TENM3: variants seen among roughly 807,000 people sequenced by gnomAD.
TENM3 encodes teneurin transmembrane protein 3, also known as teneurin-3.
TENM3 carries 63 observed loss-of-function variants against 255.1 expected under a neutral mutation model. The observed-to-expected ratio is 0.25, with a 90% CI of 0.20 to 0.30. The LOEUF (loss-of-function observed/expected upper bound fraction) is 0.30, where lower values mean the gene tolerates loss of function less well. Ranked by LOEUF, TENM3 falls within the 10% of genes least tolerant of loss-of-function variation. The probability of loss-of-function intolerance (pLI) is 1.00; values close to 1 mark genes in which losing one functional copy is unlikely to be tolerated. For missense variants in TENM3, 2,929 were observed against 3,461.1 expected, an observed-to-expected ratio of 0.85 and a Z score of 3.86; for synonymous variants, 1,306 against 1,322.3, an observed-to-expected ratio of 0.99 and a Z score of 0.27.
At chr4:181,888,497 T>G in the TENM3 span, among the ~76,000 whole-genome samples, 1 of 17,904 alleles carries the variant, frequency 5.6e-5, no homozygotes, top group Non-Finnish European at 1.1e-4. Context: ...GAAATGTGTA[T>G]ATATATATAT....
chr4:182,504,101 T>C (rs571743625), intron 3 of TENM3, among the ~76,000 whole-genome samples: 40 of 152,162 alleles, frequency 2.6e-4, no homozygotes, highest in Non-Finnish European at 3.7e-4. Context: ...TGTTTATTAC[T>C]GTGTACTCAG....
Position 182,789,347 on chromosome 4 carries a change from C to T in TENM3, c.5559C>T (p.Val1853=). 1 of 1,613,718 alleles carries T rather than the reference C, an allele frequency of 6.2e-7. No individual in the cohort carries two copies. Among genetic ancestry groups the T allele is most frequent in the Non-Finnish European group, 8.5e-7 (1 of 1,179,812 alleles). ...GACAGGGGAGGATCGTGTCTCGGGTCTTTGCTGATGGTAAAACATGGAGTT... is the reference window on the plus strand; with the variant it reads ...GACAGGGGAGGATCGTGTCTCGGGTTTTTGCTGATGGTAAAACATGGAGTT... The part of the protein sequence containing the change: ...YDGQGRIVSR[V]FADGKTWSYT... Residue 1853 remains valine (V), a synonymous_variant, in exon 25 of 28, where the codon GTC becomes GTT. Transcript: ENST00000511685. The surrounding 1 kb of genome is among the most constrained non-coding windows in gnomAD (Gnocchi z 4.4).
the TENM3 span, among the ~76,000 whole-genome samples, chr4:181,743,298 TAA>T: frequency 3.3e-5 from 5 of 152,260 alleles, no homozygotes; most frequent in Admixed American, 2.0e-4. Flanking sequence ...ACCAACAGTG[TAA>T]AAGTGTTCCT....
the TENM3 span, among the ~76,000 whole-genome samples, chr4:181,686,988 G>A: frequency 3.3e-5 from 5 of 152,056 alleles, no homozygotes; most frequent in African/African-American, 1.2e-4. Context: ...CTATAAAAAA[G>A]TGATTTCTGC....
chr4:182,160,357 C>T (rs963039155), intron 1 of TENM3, among the ~76,000 whole-genome samples: 1 of 152,066 alleles, frequency 6.6e-6, no homozygotes. Context: ...TTCCACATTA[C>T]GGTTAGAATG....
the TENM3 span, among the ~76,000 whole-genome samples, chr4:181,695,317 G>A: frequency 6.6e-6 from 1 of 152,264 alleles, no homozygotes; most frequent in African/African-American, 2.4e-5. Context: ...AATTTAGCAA[G>A]TAGACTCAAC....
intron 11 of TENM3, among the ~76,000 whole-genome samples, chr4:182,684,993 C>T (rs1430494989): frequency 6.6e-6 from 1 of 152,162 alleles, no homozygotes; most frequent in Non-Finnish European, 1.5e-5. Context: ...GAGTCAGTAT[C>T]AGCATGACAG....
chr4:182,355,931 T>C (rs1765495993), intron 3 of TENM3, among the ~76,000 whole-genome samples: 1 of 149,618 alleles, frequency 6.7e-6, no homozygotes, highest in Admixed American at 6.7e-5. Context: ...ATATATGAAA[T>C]TCAATTAGAT....
At chr4:182,738,964 G>GA (rs1247172086) in intron 18 of TENM3, among the ~76,000 whole-genome samples, 5 of 148,842 alleles carry the variant, frequency 3.4e-5, no homozygotes, top group African/African-American at 1.2e-4. Flanking sequence ...TTAAAATAAA[G>GA]AAAAAAAAAT....
At chr4:181,796,420 G>A in the TENM3 span, among the ~76,000 whole-genome samples, 2 of 152,210 alleles carry the variant, frequency 1.3e-5, no homozygotes, top group African/African-American at 4.8e-5. Context: ...TGGGAGTTCA[G>A]CAGGAATAAC....
At chr4:182,374,006 T>A (rs1327623731) in intron 3 of TENM3, among the ~76,000 whole-genome samples, 3 of 152,098 alleles carry the variant, frequency 2.0e-5, no homozygotes, top group Non-Finnish European at 4.4e-5. Context: ...ACTACAAAGC[T>A]GAAAAACAAG....
At chr4:181,451,250 G>A in the TENM3 span, among the ~76,000 whole-genome samples, 5 of 152,194 alleles carry the variant, frequency 3.3e-5, no homozygotes, top group East Asian at 5.8e-4. Flanking sequence ...GGAACTGCCT[G>A]GCATTCTCAT....
At chr4:182,486,913 G>C (rs1734794036) in intron 3 of TENM3, among the ~76,000 whole-genome samples, 1 of 152,184 alleles carries the variant, frequency 6.6e-6, no homozygotes, top group Non-Finnish European at 1.5e-5. Context: ...ATCTAAGCTA[G>C]AAAGACATCC....
the TENM3 span, among the ~76,000 whole-genome samples, chr4:182,014,848 C>T: frequency 1.3e-5 from 2 of 152,138 alleles, no homozygotes; most frequent in African/African-American, 2.4e-5. Flanking sequence ...AAAGGATCAA[C>T]ATTTCCAACC....
At chr4:182,286,743 A>G (rs774897621) in intron 1 of TENM3, among the ~76,000 whole-genome samples, 4 of 152,048 alleles carry the variant, frequency 2.6e-5, no homozygotes, top group Non-Finnish European at 5.9e-5. Flanking sequence ...TTGCCAACTG[A>G]CCACCACCCC....
intron 2 of TENM3, among the ~76,000 whole-genome samples, chr4:182,340,323 G>T (rs1764408634): frequency 6.6e-6 from 1 of 152,138 alleles, no homozygotes; most frequent in Admixed American, 6.5e-5. Flanking sequence ...GACTTGTGTT[G>T]TGAGTCATCA....
chr4:181,763,223 T>C, the TENM3 span, among the ~76,000 whole-genome samples: 1 of 152,080 alleles, frequency 6.6e-6, no homozygotes, highest in African/African-American at 2.4e-5. Flanking sequence ...TTGCATAAGG[T>C]CAAGAAATTT....
chr4:182,751,758 G>A (rs771117723), intron 19 of TENM3, 42 bp from the exon 20 acceptor site: 183 of 1,408,352 alleles, frequency 1.3e-4, no homozygotes, highest in Non-Finnish European at 1.8e-4. Flanking sequence ...CTGTGTATTA[G>A]GAGTAACTCC....
At chr4:182,064,185 T>TAAA in the TENM3 span, among the ~76,000 whole-genome samples, 3 of 141,338 alleles carry the variant, frequency 2.1e-5, no homozygotes, top group African/African-American at 7.7e-5. Context: ...TATTACCGAT[T>TAAA]AAAAAAAAAA....
Sources: gnomAD v4.1 joint callset for allele counts (sites outside exome capture counted in the v4.1 genomes callset) on GRCh38, gnomAD v4.1.1 for gene constraint, Gnocchi (gnomAD v3.1) non-coding constraint, MANE v1.5 for transcripts, NCBI Gene and HGNC (gene_info 2026-07-23, HGNC 2026-07-21) for gene names.